Variants in PELI2 observed in about 807,000 individuals in gnomAD.
PELI2 encodes the protein E3 ubiquitin-protein ligase pellino homolog 2.
In PELI2, 23 loss-of-function variants were observed where a neutral mutation model predicts 42.3. The observed-to-expected ratio is 0.54, with a 90% confidence interval of 0.39 to 0.77. The LOEUF (loss-of-function observed/expected upper bound fraction) is 0.77. Among genes scored for constraint, PELI2 ranks in the 30% least tolerant of loss-of-function variants. PELI2 has a pLI of 0.00. For synonymous variants in PELI2, 245 were observed against 212.2 expected, an observed-to-expected ratio of 1.15 and a Z score of -1.34; for missense variants, 463 against 553.2, an observed-to-expected ratio of 0.84 and a Z score of 1.64.
At chr14:56,186,390 T>C (rs1366705209) in intron 2 of PELI2, among the ~76,000 whole-genome samples, 1 of 152,216 alleles carries the variant, frequency 6.6e-6, no homozygotes, top group Non-Finnish European at 1.5e-5. Context: ...GATTTTGGCC[T>C]TGTAAGACTC....
chr14:56,178,389 C>G lies in PELI2; in HGVS notation c.132C>G (p.Ala44=), dbSNP rs1362137350. The change falls in exon 2 of 6, where the codon GCC becomes GCG. Residue 44 remains alanine, a synonymous_variant. Coordinates refer to ENST00000267460, the MANE Select transcript of PELI2 (RefSeq NM_021255.3). Reference sequence around the variant, plus strand: ...GAGGACGGAGGAAAAGTAGATTTGCCCTCTACAAGCGGCCCAAGGCAAATG... The same window carrying G: ...GAGGACGGAGGAAAAGTAGATTTGCGCTCTACAAGCGGCCCAAGGCAAATG... ...GDRGRRKSRF[A]LYKRPKANGV... is the part of the protein sequence containing the mutation. The G allele has an allele frequency of 6.2e-7, 1 of 1,613,886 alleles. No individual in the cohort carries two copies. Among genetic ancestry groups the G allele is most frequent in the African/African-American group, 1.3e-5 (1 of 74,882 alleles).
chr14:56,250,981 G>T (rs973637942), intron 2 of PELI2, among the ~76,000 whole-genome samples: 11 of 151,950 alleles, frequency 7.2e-5, no homozygotes, highest in African/African-American at 2.7e-4. Context: ...CCCAAGTCTA[G>T]CCTCAGCCTG....
At chr14:56,241,751 A>G (rs1274054354) in intron 2 of PELI2, among the ~76,000 whole-genome samples, 1 of 152,216 alleles carries the variant, frequency 6.6e-6, no homozygotes, top group Non-Finnish European at 1.5e-5. Flanking sequence ...ATCAAATAGC[A>G]TTGGAATTCC....
intron 2 of PELI2, among the ~76,000 whole-genome samples, chr14:56,181,366 CTT>C (rs1885573433): frequency 1.5e-5 from 1 of 65,022 alleles, no homozygotes; most frequent in Non-Finnish European, 3.2e-5. Context: ...TTTTTTTGGT[CTT>C]TATTACTCAC....
chr14:56,195,011 T>A (rs1886084202), intron 2 of PELI2, among the ~76,000 whole-genome samples: 1 of 152,230 alleles, frequency 6.6e-6, no homozygotes, highest in Non-Finnish European at 1.5e-5. Flanking sequence ...GATAATTCAC[T>A]TCCCATTGAT....
In PELI2 at chr14:56,290,434, C is replaced by T. The variant is rs755403701; in HGVS notation, c.674C>T (p.Ser225Leu). The T allele has an allele frequency of 6.9e-6, 11 of 1,605,796 alleles. No individual in the cohort carries two copies. Among genetic ancestry groups the T allele is most frequent in the South Asian group, 1.1e-5 (1 of 90,296 alleles). Residue 225 changes from serine to leucine, a missense_variant, in exon 5 of 6, where the codon TCG becomes TTG. Coordinates refer to ENST00000267460, the MANE Select transcript of PELI2 (RefSeq NM_021255.3). Reference protein sequence around the residue: ...GDVYTLRETRSAQQRGKLVES... With the variant: ...GDVYTLRETRLAQQRGKLVES... ...GTGTACACCTTGCGAGAAACCAGGT[C>T]GGCCCAGCAACGAGGAAAGCTGGTG...
intron 2 of PELI2, among the ~76,000 whole-genome samples, chr14:56,222,999 T>G (rs1472642968): frequency 6.6e-6 from 1 of 152,098 alleles, no homozygotes; most frequent in Non-Finnish European, 1.5e-5. Flanking sequence ...TCGAGGACAT[T>G]ATTTGAGAAT....
intron 3 of PELI2, among the ~76,000 whole-genome samples, chr14:56,283,183 A>C (rs935166588): frequency 6.6e-6 from 1 of 152,162 alleles, no homozygotes; most frequent in African/African-American, 2.4e-5. Context: ...TCACATGCTC[A>C]CTTTCTTCCC....
chr14:56,272,187 G>T (rs1305938904), intron 2 of PELI2, among the ~76,000 whole-genome samples: 2 of 152,178 alleles, frequency 1.3e-5, no homozygotes, highest in African/African-American at 4.8e-5. Flanking sequence ...AACAATAACT[G>T]CAGTTCTATA....
chr14:56,175,819 A>AT, intron 1 of PELI2, among the ~76,000 whole-genome samples: 1 of 152,286 alleles, frequency 6.6e-6, no homozygotes, highest in East Asian at 1.9e-4. Flanking sequence ...AGCTGAAGGA[A>AT]TTTTGTCAAG....
chr14:56,276,781 A>G (rs1889305879), intron 2 of PELI2, among the ~76,000 whole-genome samples: 1 of 152,160 alleles, frequency 6.6e-6, no homozygotes, highest in Non-Finnish European at 1.5e-5. Context: ...TTCCTAACCT[A>G]AAAGCATTCC....
chr14:56,128,004 G>T (rs774640375), intron 1 of PELI2, among the ~76,000 whole-genome samples: 9 of 152,088 alleles, frequency 5.9e-5, no homozygotes, highest in Non-Finnish European at 1.3e-4. Flanking sequence ...TTGCATGTGT[G>T]TTCTGCATGG....
intron 2 of PELI2, among the ~76,000 whole-genome samples, chr14:56,224,165 C>T (rs1284203758): frequency 2.0e-5 from 3 of 152,176 alleles, no homozygotes; most frequent in African/African-American, 7.2e-5. Flanking sequence ...CAGAATAATG[C>T]CTAGATGGCT....
At chr14:56,182,084 A>C (rs1387394005) in intron 2 of PELI2, among the ~76,000 whole-genome samples, 1 of 152,236 alleles carries the variant, frequency 6.6e-6, no homozygotes. Flanking sequence ...AGAAAGAATC[A>C]TGGGATATAC....
intron 1 of PELI2, among the ~76,000 whole-genome samples, chr14:56,127,069 A>G (rs17761563): frequency 0.16 from 25,065 of 152,178 alleles, 2,416 homozygotes; most frequent in Non-Finnish European, 0.22. Flanking sequence ...TGAAAATCTT[A>G]GCTAACAAAA....
chr14:56,282,123 T>A (rs1889500333), intron 3 of PELI2, among the ~76,000 whole-genome samples: 2 of 152,122 alleles, frequency 1.3e-5, no homozygotes, highest in Non-Finnish European at 2.9e-5. Context: ...GCTCAAAGCA[T>A]TGCTTAATAG....
intron 2 of PELI2, among the ~76,000 whole-genome samples, chr14:56,200,177 C>G (rs866471850): frequency 2.6e-5 from 4 of 152,254 alleles, no homozygotes; most frequent in African/African-American, 4.8e-5. Flanking sequence ...GAAGGTATTT[C>G]TTCTTTCTTT....
intron 1 of PELI2, among the ~76,000 whole-genome samples, chr14:56,172,012 C>T (rs1445016179): frequency 6.6e-6 from 1 of 151,252 alleles, no homozygotes; most frequent in East Asian, 1.9e-4. Flanking sequence ...GAGACTCCAT[C>T]TCAAAAAAAA....
chr14:56,263,163 G>A (rs1424818049), intron 2 of PELI2, among the ~76,000 whole-genome samples: 1 of 152,114 alleles, frequency 6.6e-6, no homozygotes, highest in African/African-American at 2.4e-5. Flanking sequence ...GTTTCACCAT[G>A]TTGGCCAGGC....
Sources: gnomAD v4.1 joint callset for allele counts (sites outside exome capture counted in the v4.1 genomes callset) on GRCh38, gnomAD v4.1.1 for gene constraint, MANE v1.5 for transcripts, NCBI Gene and HGNC (gene_info 2026-07-23, HGNC 2026-07-21) for gene names.